KRR1: variants seen among roughly 807,000 people sequenced by gnomAD.
KRR1 encodes KRR1 small subunit processome component homolog.
Under a neutral mutation model 50.0 loss-of-function variants are expected in KRR1, and 23 were observed. The observed-to-expected ratio is 0.46, with a 90% confidence interval of 0.33 to 0.65. The LOEUF is 0.65. Ranked by LOEUF, KRR1 falls within the 30% of genes least tolerant of loss-of-function variation. KRR1 has a pLI of 0.02. For synonymous variants in KRR1, 133 were observed against 146.3 expected (o/e 0.91, Z 0.66); for missense variants, 419 against 442.4 (o/e 0.95, Z 0.47).
chr12:75,510,983 C>T (rs1009717856), intron 1 of KRR1, among the ~76,000 whole-genome samples: 2 of 152,190 alleles, frequency 1.3e-5, no homozygotes, highest in African/African-American at 4.8e-5. Context: ...AAAGGTAACA[C>T]AACCTAAACA....
intron 5 of KRR1, among the ~76,000 whole-genome samples, chr12:75,505,896 C>A (rs1384566358): frequency 6.6e-6 from 1 of 152,094 alleles, no homozygotes; most frequent in Non-Finnish European, 1.5e-5. Flanking sequence ...ACAAAAGAAA[C>A]TACATCTTGA....
rs748381711 is a variant in KRR1, at chr12:75,506,770, T to G, written c.393+12A>C. 3 of 1,601,224 alleles carry G rather than the reference T, an allele frequency of 1.9e-6. No individual in the cohort carries two copies. Among genetic ancestry groups the G allele is most frequent in the Non-Finnish European group, 2.5e-6 (3 of 1,176,738 alleles). On this transcript the variant is annotated intron_variant, in intron 3 of 9. Coordinates refer to ENST00000229214, the MANE Select transcript of KRR1 (RefSeq NM_007043.7). ...TGCAAACAAAGCAAAGTCTCTGTAA[T>G]TCTAGATTTACCTGTTCAAATGAAA...
At chr12:75,507,052 A>G in intron 2 of KRR1, 136 bp from the exon 3 acceptor site, 1 of 653,982 alleles carries the variant, frequency 1.5e-6, no homozygotes, top group Non-Finnish European at 2.4e-6. Flanking sequence ...GAAGCTAGGT[A>G]GTTAAGTATA....
At chr12:75,500,321 T>TCATTATTTTCCATCTTGCA (rs2046383179) in intron 9 of KRR1, 1 of 154,868 alleles carries the variant, frequency 6.5e-6, no homozygotes, top group Non-Finnish European at 1.4e-5. Context: ...AACTTCTGAG[T>TCATTATTTTCCATCTTGCA]CATTATTTTC....
chr12:75,491,245 C>T lies in KRR1; in HGVS notation c.*8564G>A, dbSNP rs999290289. The T allele has an allele frequency of 2.6e-5, 4 of 152,186 alleles. No homozygotes were observed. Among genetic ancestry groups the T allele is most frequent in the Admixed American group, 6.5e-5 (1 of 15,284 alleles). The allele number at this position is 152,186 out of a possible 1,614,324, so 9.4% of individuals were successfully genotyped here. A position where few individuals can be genotyped will look rare whatever the true frequency, so the allele number is the denominator to read the frequency against. Reference sequence around the variant, plus strand: ...GCTTCACATATATTAACTTAATCTTCACCAGAAGTTTATGAGATGGCTCCT... The same window carrying T: ...GCTTCACATATATTAACTTAATCTTTACCAGAAGTTTATGAGATGGCTCCT... On this transcript the variant is annotated 3_prime_UTR_variant, in exon 10 of 10. Coordinates refer to ENST00000229214, the MANE Select transcript of KRR1 (RefSeq NM_007043.7).
At chr12:75,504,744 T>C (rs1425701442) in intron 6 of KRR1, among the ~76,000 whole-genome samples, 1 of 152,052 alleles carries the variant, frequency 6.6e-6, no homozygotes, top group Non-Finnish European at 1.5e-5. Flanking sequence ...CACACAGGGA[T>C]ATAACAGTTC....
intron 6 of KRR1, 98 bp downstream of exon 6, chr12:75,505,100 G>A: frequency 8.1e-7 from 1 of 1,228,764 alleles, no homozygotes; most frequent in South Asian, 1.4e-5. Flanking sequence ...ATCTGTTTGT[G>A]CATTAGAATT....
rs1234203493 is a variant in KRR1 at position 75,511,558 on chromosome 12, C to T, written c.40G>A (p.Gly14Arg). The change falls in exon 1 of 10, where the codon GGA (glycine) becomes AGA (arginine). Residue 14 changes from glycine to arginine, a missense_variant. By Grantham distance (125) the Gly-to-Arg change is moderately radical (BLOSUM62 -2). Transcript: ENST00000229214. Reference protein sequence around the residue: ...PSLERPEKGAGKSEFRNQKPK... With the variant: ...PSLERPEKGARKSEFRNQKPK... ...TTCTGGTTACGAAATTCACTTTTTC[C>T]AGCGCCTTTTTCTGGCCGCTCCAGC... is the stretch of plus-strand genomic sequence containing the variant. The T allele has an allele frequency of 1.6e-5, 26 of 1,613,988 alleles. No homozygotes were observed. Among genetic ancestry groups the T allele is most frequent in the Non-Finnish European group, 2.2e-5 (26 of 1,179,970 alleles).
Position 75,498,623 on chromosome 12 carries a change from C to CT in KRR1, c.*1185dup, listed in dbSNP as rs2046366633. 2.4e-6 allele frequency: 3 copies of CT among 1,248,058 alleles called. No individual in the cohort carries two copies. The South Asian group carries it at 3.7e-5, about 15-fold the overall frequency. The allele number at this position is 1,248,058 out of a possible 1,614,324, so 77.3% of individuals were successfully genotyped here. On this transcript the variant is annotated 3_prime_UTR_variant, in exon 10 of 10. Transcript: ENST00000229214. ...TAATGGTCATAATTATAAGACTTAG[C>CT]TTTTTAAAATAAAACTCTCAACTGT...
At position 75,493,836 on chromosome 12, in the gene KRR1, A is replaced by G. The variant is rs1421141833; in HGVS notation, c.*5973T>C. 1 of 152,142 alleles carries G rather than the reference A, an allele frequency of 6.6e-6. No homozygotes were observed. The highest frequency in any genetic ancestry group is 2.4e-5 in the African/African-American group (1 of 41,424). The allele number at this position is 152,142 out of a possible 1,614,324, so 9.4% of individuals were successfully genotyped here. On this transcript the variant is annotated 3_prime_UTR_variant, in exon 10 of 10. Coordinates refer to ENST00000229214, the MANE Select transcript of KRR1 (RefSeq NM_007043.7). ...TGTTTCTCCCAAGATGAATACTACC[A>G]TTTCCACAGACCTCACCGACTGTCT...
At position 75,506,670 on chromosome 12, in the gene KRR1, T is replaced by C. The variant is rs1057312978; in HGVS notation, c.394-61A>G. The stretch of plus-strand genomic sequence containing the variant: ...CAACATTTTTTACAATTACATTCAT[T>C]TTCCAGGCCCACGCTATTGTTACCT... On this transcript the variant is annotated intron_variant, in intron 3 of 9. Transcript: ENST00000229214. The C allele has an allele frequency of 5.2e-6, 8 of 1,547,058 alleles. No individual in the cohort carries two copies. The Admixed American group carries it at 1.8e-4, about 35-fold the overall frequency.
chr12:75,508,609 AAG>A (rs2046433318), intron 1 of KRR1, among the ~76,000 whole-genome samples, 163 bp from the exon 2 acceptor site: 1 of 152,160 alleles, frequency 6.6e-6, no homozygotes, highest in Non-Finnish European at 1.5e-5. Flanking sequence ...TATATTATTC[AAG>A]AGTCAAAGAA....
intron 2 of KRR1, among the ~76,000 whole-genome samples, chr12:75,507,207 A>C (rs1301397598): frequency 6.6e-6 from 1 of 152,180 alleles, no homozygotes; most frequent in East Asian, 1.9e-4. Flanking sequence ...CAAACAAATG[A>C]GGTCATACTT....
chr12:75,500,334 T>TTGCACATTAAAATAATTTATTTTCCAC (rs2046383327), intron 9 of KRR1: 1 of 153,442 alleles, frequency 6.5e-6, no homozygotes, highest in Non-Finnish European at 1.4e-5. Context: ...TTATTTTCCA[T>TTGCACATTAAAATAATTTATTTTCCAC]CTTGCACATT....
chr12:75,495,113 G>A lies in KRR1; in HGVS notation c.*4696C>T, dbSNP rs746624038. The A allele has an allele frequency of 6.6e-6, 1 of 152,348 alleles. No homozygotes were observed. The highest frequency in any genetic ancestry group is 1.5e-5 in the Non-Finnish European group (1 of 68,182). 9.4% of individuals were successfully genotyped at this position (152,348 alleles called of 1,614,324 possible). A position where few individuals can be genotyped will look rare whatever the true frequency, so the allele number is the denominator to read the frequency against. ...TCCTATCCAGTGAAAATTATGGAGGGCTGACCAACTGAGAATATTGAATGT... is the reference window on the plus strand; with the variant it reads ...TCCTATCCAGTGAAAATTATGGAGGACTGACCAACTGAGAATATTGAATGT... On this transcript the variant is annotated 3_prime_UTR_variant, in exon 10 of 10. Coordinates refer to ENST00000229214, the MANE Select transcript of KRR1 (RefSeq NM_007043.7).
chr12:75,491,933 C>G lies in KRR1; in HGVS notation c.*7876G>C, dbSNP rs946431095. 9.2e-5 allele frequency: 14 copies of G among 152,066 alleles called. No individual in the cohort carries two copies. Among genetic ancestry groups the G allele is most frequent in the African/African-American group, 3.4e-4 (14 of 41,476 alleles). The allele number at this position is 152,066 out of a possible 1,614,324, so 9.4% of individuals were successfully genotyped here. A position where few individuals can be genotyped will look rare whatever the true frequency, so the allele number is the denominator to read the frequency against. ...TGGTGTAATGTGCAGAAGACATGCT[C>G]GATACTCTGACTGAGTGCTGTAGGT... On this transcript the variant is annotated 3_prime_UTR_variant, in exon 10 of 10. Coordinates refer to ENST00000229214, the MANE Select transcript of KRR1 (RefSeq NM_007043.7).
rs992973781 is a variant in KRR1 at position 75,491,461 on chromosome 12, T to C, written c.*8348A>G. On this transcript the variant is annotated 3_prime_UTR_variant, in exon 10 of 10. Transcript: ENST00000229214. ...GTTCACTATATTTTCATTTAATATATGATGAACAACCTCATATATGTATCT... is the reference window on the plus strand; with the variant it reads ...GTTCACTATATTTTCATTTAATATACGATGAACAACCTCATATATGTATCT... 3 of 152,370 alleles carry C rather than the reference T, an allele frequency of 2.0e-5. No individual in the cohort carries two copies. Among genetic ancestry groups the C allele is most frequent in the Non-Finnish European group, 4.4e-5 (3 of 68,036 alleles). The allele number at this position is 152,370 out of a possible 1,614,324, so 9.4% of individuals were successfully genotyped here.
intron 9 of KRR1, chr12:75,500,222 C>A (rs2046382442): frequency 4.6e-6 from 1 of 217,780 alleles, no homozygotes; most frequent in African/African-American, 2.3e-5. Flanking sequence ...ATAATTGAAC[C>A]AATTACTGGA....
intron 6 of KRR1, chr12:75,504,331 T>A: frequency 4.0e-6 from 1 of 247,948 alleles, no homozygotes; most frequent in East Asian, 7.7e-5. Flanking sequence ...TCAACCATTA[T>A]TTCATTAAAA....
Sources: gnomAD v4.1 joint callset for allele counts (sites outside exome capture counted in the v4.1 genomes callset) on GRCh38, gnomAD v4.1.1 for gene constraint, MANE v1.5 for transcripts, NCBI Gene and HGNC (gene_info 2026-07-23, HGNC 2026-07-21) for gene names.